ADCK1: variants seen among roughly 807,000 people sequenced by gnomAD.
ADCK1 encodes aarF domain containing kinase 1, also known as aarF domain-containing protein kinase 1.
In ADCK1, 41 loss-of-function variants were observed where a neutral mutation model predicts 52.3. That is an observed-to-expected ratio of 0.78 (90% CI 0.61 to 1.02). The LOEUF (loss-of-function observed/expected upper bound fraction) is 1.02. Ranked by LOEUF, ADCK1 falls within the 50% of genes least tolerant of loss-of-function variation. The pLI is 0.00. For synonymous variants in ADCK1, 250 were observed against 274.6 expected, an observed-to-expected ratio of 0.91 and a Z score of 0.89; for missense variants, 658 against 679.5, an observed-to-expected ratio of 0.97 and a Z score of 0.35.
intron 4 of ADCK1, among the ~76,000 whole-genome samples, chr14:77,864,885 T>C (rs1108723): frequency 0.13 from 19,433 of 152,156 alleles, 1,495 homozygotes; most frequent in African/African-American, 0.19. Context: ...TCCTTCTTGC[T>C]TGGGGAAGGT....
At chr14:77,880,090 G>A (rs941169799) in intron 4 of ADCK1, among the ~76,000 whole-genome samples, 1 of 152,216 alleles carries the variant, frequency 6.6e-6, no homozygotes, top group Non-Finnish European at 1.5e-5. Flanking sequence ...CTGTCCTGAC[G>A]AGCTGATAGA....
intron 7 of ADCK1, among the ~76,000 whole-genome samples, chr14:77,915,395 G>A (rs1205637968): frequency 7.4e-6 from 1 of 135,522 alleles, no homozygotes; most frequent in Non-Finnish European, 1.5e-5. Flanking sequence ...CTGTGTTCAT[G>A]TGTTCTCATT....
At chr14:77,821,688 C>T (rs2081585601) in intron 2 of ADCK1, among the ~76,000 whole-genome samples, 1 of 151,792 alleles carries the variant, frequency 6.6e-6, no homozygotes, top group Non-Finnish European at 1.5e-5. Flanking sequence ...CGAGACCAGC[C>T]TGGTCAACAT....
intron 10 of ADCK1, among the ~76,000 whole-genome samples, chr14:77,932,202 C>T (rs536621118): frequency 6.4e-4 from 97 of 152,224 alleles, no homozygotes; most frequent in Non-Finnish European, 1.2e-3. Context: ...GCACCCACCA[C>T]CATATCCAGC....
chr14:77,898,786 T>C (rs183514943), intron 5 of ADCK1, among the ~76,000 whole-genome samples: 60 of 152,200 alleles, frequency 3.9e-4, no homozygotes, highest in Non-Finnish European at 6.8e-4. Flanking sequence ...TACACACATA[T>C]CCCAGAACTT....
At chr14:77,931,812 G>T in intron 10 of ADCK1, 101 bp downstream of exon 10, 1 of 1,255,050 alleles carries the variant, frequency 8.0e-7, no homozygotes, top group South Asian at 1.5e-5. Flanking sequence ...ACAGGGCCCT[G>T]CCTGAGCTTC....
At chr14:77,844,999 C>A (rs1050014702) in intron 3 of ADCK1, among the ~76,000 whole-genome samples, 1 of 152,236 alleles carries the variant, frequency 6.6e-6, no homozygotes. Context: ...TATGCACTCA[C>A]TTCCTATTCC....
intron 3 of ADCK1, among the ~76,000 whole-genome samples, chr14:77,842,448 T>TTTTTTTCC (rs1486087604): frequency 1.6e-4 from 15 of 92,286 alleles, no homozygotes; most frequent in African/African-American, 4.4e-4. Flanking sequence ...GGTATTTTTT[T>TTTTTTTCC]TTCCTTCCTT....
intron 7 of ADCK1, among the ~76,000 whole-genome samples, chr14:77,915,285 G>A (rs768773396): frequency 3.3e-5 from 5 of 150,724 alleles, no homozygotes; most frequent in Admixed American, 6.6e-5. Context: ...TGCACCCATT[G>A]ACTCGTTATT....
At chr14:77,924,325 C>T in intron 7 of ADCK1, 132 bp from the exon 8 acceptor site, 5 of 1,179,050 alleles carry the variant, frequency 4.2e-6, no homozygotes, top group Non-Finnish European at 5.9e-6. Flanking sequence ...CAATCACTCC[C>T]ACCACAACCG....
At chr14:77,809,591 G>A (rs2081295463) in intron 1 of ADCK1, among the ~76,000 whole-genome samples, 2 of 151,726 alleles carry the variant, frequency 1.3e-5, no homozygotes, top group South Asian at 2.1e-4. Flanking sequence ...GCCTCCCAAA[G>A]TGCTGGGATT....
chr14:77,885,607 C>G (rs558692526), intron 4 of ADCK1, among the ~76,000 whole-genome samples: 2 of 152,232 alleles, frequency 1.3e-5, no homozygotes, highest in African/African-American at 2.4e-5. Context: ...CATGTGACAT[C>G]TGAAGTCCAA....
intron 4 of ADCK1, among the ~76,000 whole-genome samples, chr14:77,868,709 C>G (rs17106507): frequency 0.055 from 8,372 of 152,190 alleles, 257 homozygotes; most frequent in African/African-American, 0.075. Flanking sequence ...AGATAAAAGG[C>G]CTCAACCCAT....
chr14:77,896,364 T>C (rs922311765), intron 5 of ADCK1, among the ~76,000 whole-genome samples: 2 of 152,232 alleles, frequency 1.3e-5, no homozygotes, highest in African/African-American at 4.8e-5. Flanking sequence ...TGGCCTATGG[T>C]AATTACCTGG....
Position 77,866,847 on chromosome 14 carries a change from AG to A in ADCK1, c.423+7571del, listed in dbSNP as rs1250946460. 4.6e-5 allele frequency among the ~76,000 whole-genome samples: 7 copies of A among 152,182 alleles called. No homozygotes were observed. The East Asian group carries it at 1.4e-3, about 29-fold the overall frequency. Reference sequence around the variant, plus strand: ...GCATGCCCTGGGCTGGACTAGGAGTAGGGAAGTGGTTAGAGCAGAAGCGGGG... The same window carrying A: ...GCATGCCCTGGGCTGGACTAGGAGTAGGAAGTGGTTAGAGCAGAAGCGGGG... On this transcript the variant is annotated intron_variant, in intron 4 of 10. Coordinates refer to ENST00000238561, the MANE Select transcript of ADCK1 (RefSeq NM_020421.4).
At chr14:77,858,130 C>G (rs974119125) in intron 3 of ADCK1, among the ~76,000 whole-genome samples, 1 of 152,224 alleles carries the variant, frequency 6.6e-6, no homozygotes, top group Non-Finnish European at 1.5e-5. Context: ...ATACCCCCCA[C>G]TACAGTGACT....
chr14:77,876,894 T>G, intron 4 of ADCK1, among the ~76,000 whole-genome samples: 1 of 152,236 alleles, frequency 6.6e-6, no homozygotes, highest in Non-Finnish European at 1.5e-5. Flanking sequence ...GAAAGCTTTT[T>G]ACTGGGTGCA....
chr14:77,848,912 G>A (rs1224525924), intron 3 of ADCK1, among the ~76,000 whole-genome samples: 1 of 151,178 alleles, frequency 6.6e-6, no homozygotes. Flanking sequence ...TGCAAGCTCC[G>A]CCTCCCAGGT....
intron 3 of ADCK1, among the ~76,000 whole-genome samples, chr14:77,832,502 G>A (rs934478959): frequency 4.6e-5 from 7 of 152,324 alleles, no homozygotes; most frequent in South Asian, 2.1e-4. Flanking sequence ...TGCTGGAGTC[G>A]CTCCTCCTGC....
Sources: gnomAD v4.1 joint callset for allele counts (sites outside exome capture counted in the v4.1 genomes callset) on GRCh38, gnomAD v4.1.1 for gene constraint, MANE v1.5 for transcripts, NCBI Gene and HGNC (gene_info 2026-07-23, HGNC 2026-07-21) for gene names.